MCTP2: variants seen among roughly 807,000 people sequenced by gnomAD.
MCTP2 encodes multiple C2 and transmembrane domain containing 2, also known as multiple C2 and transmembrane domain-containing protein 2.
MCTP2 carries 132 observed loss-of-function variants against 111.6 expected under a neutral mutation model. The observed-to-expected ratio is 1.18, with a 90% CI of 1.03 to 1.37. The LOEUF (loss-of-function observed/expected upper bound fraction) is 1.37, where lower values mean the gene tolerates loss of function less well. MCTP2 is among the 40% of genes most tolerant of loss of function. The pLI, the probability that MCTP2 is intolerant of heterozygous loss-of-function variation, is 0.00. For synonymous variants in MCTP2, 395 were observed against 387.7 expected (o/e 1.02, Z -0.22); for missense variants, 1,183 against 1,067.9 (o/e 1.11, Z -1.50).
At chr15:94,299,539 C>T (rs528285277) in intron 2 of MCTP2, among the ~76,000 whole-genome samples, 1 of 152,088 alleles carries the variant, frequency 6.6e-6, no homozygotes, top group South Asian at 2.1e-4. Context: ...AATTAATTAA[C>T]CAAATATAAT....
At chr15:94,245,528 A>G (rs1245135337) in intron 1 of MCTP2, among the ~76,000 whole-genome samples, 2 of 141,658 alleles carry the variant, frequency 1.4e-5, no homozygotes, top group African/African-American at 5.1e-5. Flanking sequence ...GTATATATTT[A>G]TATACATACA....
intron 1 of MCTP2, among the ~76,000 whole-genome samples, chr15:94,290,459 C>G (rs1312739797): frequency 6.6e-6 from 1 of 151,996 alleles, no homozygotes; most frequent in Non-Finnish European, 1.5e-5. Flanking sequence ...AAATGGAACA[C>G]TATAACCTCA....
At position 94,482,782 on chromosome 15, in the gene MCTP2, A is replaced by G. The variant is rs1274631301; in HGVS notation, c.*3748A>G. ...CAAGTCAGTTAAGAGTGTAAATAGA[A>G]ACGGGTAAATACAGAGGAGAAAAAC... On this transcript the variant is annotated 3_prime_UTR_variant, in exon 23 of 23. Coordinates refer to ENST00000357742, the MANE Select transcript of MCTP2 (RefSeq NM_001385001.1). 1 of 152,258 alleles carries G rather than the reference A, an allele frequency of 6.6e-6. No individual in the cohort carries two copies. Among genetic ancestry groups the G allele is most frequent in the African/African-American group, 2.4e-5 (1 of 41,470 alleles). The allele number at this position is 152,258 out of a possible 1,614,324, so 9.4% of individuals were successfully genotyped here.
chr15:94,358,222 G>A (rs1300009507), intron 9 of MCTP2, among the ~76,000 whole-genome samples: 1 of 152,102 alleles, frequency 6.6e-6, no homozygotes, highest in African/African-American at 2.4e-5. Context: ...TATAATTTAT[G>A]GTTTCCTGTG....
intron 20 of MCTP2, among the ~76,000 whole-genome samples, chr15:94,465,687 G>A (rs1393104561): frequency 2.0e-5 from 3 of 152,028 alleles, no homozygotes; most frequent in Non-Finnish European, 4.4e-5. Context: ...TGTAATCCCT[G>A]CAGAATTAAT....
At chr15:94,242,631 A>G (rs542428310) in intron 1 of MCTP2, among the ~76,000 whole-genome samples, 18 of 152,072 alleles carry the variant, frequency 1.2e-4, no homozygotes, top group African/African-American at 3.9e-4. Flanking sequence ...AATCTAGTCT[A>G]TTTACCCAAC....
intron 1 of MCTP2, among the ~76,000 whole-genome samples, chr15:94,262,533 C>T (rs1455756): frequency 0.29 from 43,336 of 151,982 alleles, 6,306 homozygotes; most frequent in South Asian, 0.39. Context: ...TCTATATTTT[C>T]GATTTAGTAT....
At chr15:94,449,761 A>G (rs1473886297) in intron 19 of MCTP2, among the ~76,000 whole-genome samples, 1 of 152,216 alleles carries the variant, frequency 6.6e-6, no homozygotes, top group African/African-American at 2.4e-5. Flanking sequence ...GCTGAATCAC[A>G]CAAATATTTT....
chr15:94,431,320 A>C (rs1012325997), intron 17 of MCTP2, among the ~76,000 whole-genome samples: 4 of 152,240 alleles, frequency 2.6e-5, no homozygotes, highest in African/African-American at 4.8e-5. Context: ...AGTCCTGAAC[A>C]TCGTTTTATA....
chr15:94,464,557 A>C (rs1185709316), intron 20 of MCTP2, among the ~76,000 whole-genome samples: 2 of 151,568 alleles, frequency 1.3e-5, no homozygotes, highest in East Asian at 3.9e-4. Flanking sequence ...TTTGTTCATT[A>C]GTTACTACTC....
chr15:94,400,468 G>T (rs913447283), intron 16 of MCTP2, among the ~76,000 whole-genome samples: 2 of 152,082 alleles, frequency 1.3e-5, no homozygotes, highest in Non-Finnish European at 2.9e-5. Flanking sequence ...CTTCGGCGTG[G>T]TCTAAATTTG....
chr15:94,470,859 C>CT (rs1201461107), intron 21 of MCTP2, among the ~76,000 whole-genome samples: 1 of 152,108 alleles, frequency 6.6e-6, no homozygotes, highest in African/African-American at 2.4e-5. Context: ...GACACTTCAT[C>CT]CCTCTTGGAG....
At chr15:94,368,091 A>C (rs1482064082) in intron 11 of MCTP2, among the ~76,000 whole-genome samples, 2 of 151,574 alleles carry the variant, frequency 1.3e-5, no homozygotes, top group Non-Finnish European at 2.9e-5. Flanking sequence ...ACTCCTGCTT[A>C]GGCTGTGTGT....
Position 94,440,286 on chromosome 15 carries a change from C to T in MCTP2, c.2196C>T (p.Ile732=). ...IRPVKGKVSS[I]QDSQESTDID... is the part of the protein sequence containing the mutation. ...CTGTGAAAGGCAAGGTCAGCAGCAT[C>T]CAGGACAGCCAGGTAAGCAAGGATT... Residue 732 remains isoleucine (I), a synonymous_variant, in exon 18 of 23, where the codon ATC becomes ATT. Transcript: ENST00000357742. The T allele has an allele frequency of 6.2e-7, 1 of 1,613,822 alleles. No individual in the cohort carries two copies. The highest frequency in any genetic ancestry group is 8.5e-7 in the Non-Finnish European group (1 of 1,179,920).
At position 94,391,605 on chromosome 15, in the gene MCTP2, A is replaced by G. The variant is rs149713484; in HGVS notation, c.1788+6080A>G. Among the ~76,000 whole-genome samples the G allele has an allele frequency of 1.4e-3, 210 of 152,328 alleles. 1 individual carries two copies. The highest frequency in any genetic ancestry group is 4.5e-3 in the African/African-American group (186 of 41,568). On this transcript the variant is annotated intron_variant, in intron 14 of 22. Transcript: ENST00000357742. Reference sequence around the variant, plus strand: ...AGTCCCAAGTGGGGCGAAAATGGTCACTTTGAACGGAAATTTCACCTCTTC... The same window carrying G: ...AGTCCCAAGTGGGGCGAAAATGGTCGCTTTGAACGGAAATTTCACCTCTTC...
rs182364284 is a variant in MCTP2, at chr15:94,313,807, T to A, written c.466-475T>A. Among the ~76,000 whole-genome samples the A allele has an allele frequency of 2.0e-5, 3 of 152,342 alleles. No individual in the cohort carries two copies. In the East Asian group the frequency reaches 5.8e-4, roughly 29 times the overall value. On this transcript the variant is annotated intron_variant, in intron 2 of 22. Coordinates refer to ENST00000357742, the MANE Select transcript of MCTP2 (RefSeq NM_001385001.1). ...AGTTTTGGTTTGGCGATTGACCAGT[T>A]GCTAGCCCCATGAAGGTATGGCTTG...
At chr15:94,258,421 T>G (rs1241306594) in intron 1 of MCTP2, among the ~76,000 whole-genome samples, 1 of 152,152 alleles carries the variant, frequency 6.6e-6, no homozygotes, top group Non-Finnish European at 1.5e-5. Context: ...CAAAAAAGCA[T>G]CTGTGTCTAC....
chr15:94,356,528 C>T (rs551094621), intron 9 of MCTP2, among the ~76,000 whole-genome samples: 1 of 152,008 alleles, frequency 6.6e-6, no homozygotes, highest in South Asian at 2.1e-4. Flanking sequence ...CTAGAGAAAC[C>T]TTATTAAATC....
rs1276192569 is a variant in MCTP2, at chr15:94,235,867, C to G, written c.-66+4203C>G. On this transcript the variant is annotated intron_variant, in intron 1 of 22. Transcript: ENST00000357742. ...GCCACTGTTATGTGTTGGCATTGGC[C>G]AAGAGGCAGGCCTGGGATTGCTTGG... Among the ~76,000 whole-genome samples the G allele has an allele frequency of 2.0e-5, 3 of 152,192 alleles. No homozygotes were observed. The East Asian group carries it at 5.8e-4, about 29-fold the overall frequency.
Sources: allele counts gnomAD v4.1 joint callset (sites outside exome capture counted in the v4.1 genomes callset), GRCh38; gene constraint gnomAD v4.1.1; transcripts MANE v1.5; gene names NCBI Gene and HGNC (gene_info 2026-07-23, HGNC 2026-07-21).